Variants in TMEM266 observed in about 807,000 individuals in gnomAD.
The protein encoded by TMEM266 is transmembrane protein 266, also known as Hv1 related protein 1.
Under a neutral mutation model 50.5 loss-of-function variants are expected in TMEM266, and 33 were observed. That is an observed-to-expected ratio of 0.65 (90% confidence interval 0.50 to 0.87). The LOEUF (loss-of-function observed/expected upper bound fraction) is 0.87. Ranked by LOEUF, TMEM266 falls within the 40% of genes least tolerant of loss-of-function variation. The pLI is 0.00. For missense variants in TMEM266, 655 were observed against 695.1 expected, an observed-to-expected ratio of 0.94 and a Z score of 0.65; for synonymous variants, 310 against 292.3, an observed-to-expected ratio of 1.06 and a Z score of -0.62.
At position 76,103,180 on chromosome 15, in the gene TMEM266, A is replaced by G. The variant is rs140234811; in HGVS notation, c.-96-30988A>G. ...GGTATTATGAAGGTAAAACTGACAT[A>G]CTCGCTAACAGATCGGATGTGGGGC... On this transcript the variant is annotated intron_variant, in intron 1 of 10. Coordinates refer to ENST00000388942, the MANE Select transcript of TMEM266 (RefSeq NM_152335.3). 2.8e-3 allele frequency among the ~76,000 whole-genome samples: 425 copies of G among 152,156 alleles called. 2 individuals are homozygous for G. The highest frequency in any genetic ancestry group is 1.0e-2 in the African/African-American group (414 of 41,532).
In TMEM266 at chr15:76,160,181, T is replaced by C; in HGVS notation, c.456+13T>C. ...GTTCTTCTCAGAGGTAGGTGGAGAC[T>C]CTGGCCCTGTCACCTCCTCTGTTGG... On this transcript the variant is annotated intron_variant, in intron 5 of 10. Coordinates refer to ENST00000388942, the MANE Select transcript of TMEM266 (RefSeq NM_152335.3). This position sits in a 1 kb window ranked among gnomAD's most constrained non-coding sequence, Gnocchi z 5.7. 6.2e-7 allele frequency: 1 copy of C among 1,610,990 alleles called. No homozygotes were observed. The highest frequency in any genetic ancestry group is 8.5e-7 in the Non-Finnish European group (1 of 1,177,110).
chr15:76,188,185 A>T (rs1386663420), intron 8 of TMEM266, among the ~76,000 whole-genome samples: 1 of 152,046 alleles, frequency 6.6e-6, no homozygotes, highest in Non-Finnish European at 1.5e-5. Flanking sequence ...ATAAAGACAT[A>T]CCCAAGACTG....
chr15:76,074,844 C>CA (rs1369401774), intron 1 of TMEM266, among the ~76,000 whole-genome samples: 3 of 151,942 alleles, frequency 2.0e-5, no homozygotes, highest in African/African-American at 7.3e-5. Context: ...AGGGTGCTGT[C>CA]AGTGTGGGAC....
chr15:76,169,143 G>T (rs1234436773), intron 5 of TMEM266, among the ~76,000 whole-genome samples: 1 of 152,162 alleles, frequency 6.6e-6, no homozygotes, highest in Non-Finnish European at 1.5e-5. Flanking sequence ...GAAGACGGAA[G>T]GAGGAAGAGG....
intron 3 of TMEM266, among the ~76,000 whole-genome samples, chr15:76,150,880 T>C (rs1377463659): frequency 6.6e-6 from 1 of 152,224 alleles, no homozygotes; most frequent in African/African-American, 2.4e-5. Context: ...CTAGAATTTA[T>C]TCTTTGAATT....
intron 3 of TMEM266, among the ~76,000 whole-genome samples, chr15:76,148,454 C>T (rs2037789231): frequency 6.6e-6 from 1 of 152,186 alleles, no homozygotes; most frequent in Admixed American, 6.5e-5. Flanking sequence ...AGACTTGGGG[C>T]CGGTTTCCAG....
intron 3 of TMEM266, among the ~76,000 whole-genome samples, chr15:76,151,342 C>A (rs1011556618): frequency 1.3e-5 from 2 of 152,216 alleles, no homozygotes; most frequent in Admixed American, 6.5e-5. Context: ...ACACAGTCTT[C>A]TAGGAATGTC....
At chr15:76,202,104 C>G (rs2038757502) in intron 9 of TMEM266, 98 bp from the exon 10 acceptor site, 2 of 1,052,338 alleles carry the variant, frequency 1.9e-6, no homozygotes, top group Admixed American at 4.8e-5. Context: ...TTCTGTGAGA[C>G]AGCTGCCTTC....
rs1041339448 is a variant in TMEM266 at position 76,160,397 on chromosome 15, C to G, written c.456+229C>G. On this transcript the variant is annotated intron_variant, in intron 5 of 10. Transcript: ENST00000388942. The surrounding 1 kb of genome is among the most constrained non-coding windows in gnomAD (Gnocchi z 5.7). ...CTAGCAGGTGATTCCTGGGAGGAAC[C>G]CCAGTGGATGAGCAGGTGTTCTCCA... Among the ~76,000 whole-genome samples the G allele has an allele frequency of 1.3e-5, 2 of 152,144 alleles. No individual in the cohort carries two copies. Among genetic ancestry groups the G allele is most frequent in the South Asian group, 2.1e-4 (1 of 4,822 alleles).
chr15:76,107,728 A>G (rs952162153), intron 1 of TMEM266, among the ~76,000 whole-genome samples: 2 of 152,212 alleles, frequency 1.3e-5, no homozygotes, highest in African/African-American at 2.4e-5. Context: ...TAGTATTTGA[A>G]TGAATTAATC....
At chr15:76,183,980 A>G (rs1028380100) in intron 8 of TMEM266, among the ~76,000 whole-genome samples, 1 of 152,074 alleles carries the variant, frequency 6.6e-6, no homozygotes, top group Non-Finnish European at 1.5e-5. Context: ...GCTGGACCCC[A>G]TTGTCCCCTG....
intron 6 of TMEM266, 122 bp downstream of exon 6, chr15:76,169,994 C>A: frequency 2.0e-6 from 2 of 1,020,638 alleles, no homozygotes; most frequent in Non-Finnish European, 3.0e-6. Context: ...CCCACTTGAC[C>A]TCTGTGGCTG....
At chr15:76,082,409 G>A (rs2036708628) in intron 1 of TMEM266, among the ~76,000 whole-genome samples, 1 of 152,170 alleles carries the variant, frequency 6.6e-6, no homozygotes, top group Admixed American at 6.5e-5. Context: ...GAGGGAAGAA[G>A]GGAAAGTGTA....
rs142282863 is a variant in TMEM266 at position 76,193,257 on chromosome 15, G to A, written c.958+1100G>A. ...ATGGTTGCTTTTTTTTTGGAGACAG[G>A]GTCTCACTCCTGGAGTGCAGTGGTA... On this transcript the variant is annotated intron_variant, in intron 9 of 10. Coordinates refer to ENST00000388942, the MANE Select transcript of TMEM266 (RefSeq NM_152335.3). Among the ~76,000 whole-genome samples, 405 of 152,190 alleles carry A rather than the reference G, an allele frequency of 2.7e-3. 3 individuals are homozygous for A. Among genetic ancestry groups the A allele is most frequent in the Admixed American group, 0.011 (164 of 15,302 alleles).
At chr15:76,066,943 C>A (rs572754115) in intron 1 of TMEM266, among the ~76,000 whole-genome samples, 1 of 152,230 alleles carries the variant, frequency 6.6e-6, no homozygotes, top group Non-Finnish European at 1.5e-5. Context: ...GCATCCGTGA[C>A]CCTTACCCAC....
chr15:76,069,152 A>G (rs192919455), intron 1 of TMEM266, among the ~76,000 whole-genome samples: 11 of 152,314 alleles, frequency 7.2e-5, no homozygotes, highest in Non-Finnish European at 7.4e-5. Context: ...TATTGTACGA[A>G]CATGTCATAC....
intron 1 of TMEM266, among the ~76,000 whole-genome samples, chr15:76,133,083 C>T (rs764712924): frequency 6.6e-6 from 1 of 151,758 alleles, no homozygotes; most frequent in African/African-American, 2.4e-5. Flanking sequence ...GAGCCAAGAT[C>T]GCACCACTGT....
chr15:76,159,217 C>T (rs1013841596), intron 4 of TMEM266, among the ~76,000 whole-genome samples: 1 of 152,250 alleles, frequency 6.6e-6, no homozygotes, highest in African/African-American at 2.4e-5. Context: ...CCCACCCAGT[C>T]TCCATCAGAG....
chr15:76,085,115 A>T (rs2036756225), intron 1 of TMEM266, among the ~76,000 whole-genome samples: 1 of 151,302 alleles, frequency 6.6e-6, no homozygotes, highest in African/African-American at 2.4e-5. Flanking sequence ...GCCTGCCACC[A>T]CACCCTGCTA....
Sources: allele counts gnomAD v4.1 joint callset (sites outside exome capture counted in the v4.1 genomes callset), GRCh38; gene constraint gnomAD v4.1.1; non-coding constraint Gnocchi (gnomAD v3.1); transcripts MANE v1.5; gene names NCBI Gene and HGNC (gene_info 2026-07-23, HGNC 2026-07-21).